The following CNFN variants were observed in gnomAD, a reference collection of about 807,000 sequenced individuals.
CNFN encodes the protein cornifelin.
A neutral mutation model predicts 14.9 loss-of-function variants in CNFN; 10 were observed. The ratio of observed to expected loss-of-function variants is 0.67; its 90% CI spans 0.41 to 1.14. The LOEUF is 1.14. Ranked by LOEUF, CNFN falls within the 50% of genes most tolerant of loss-of-function variation. The probability of loss-of-function intolerance (pLI) is 0.00; values close to 1 mark genes in which losing one functional copy is unlikely to be tolerated. For synonymous variants in CNFN, 66 were observed against 60.0 expected (o/e 1.10, Z -0.46); for missense variants, 165 against 152.8 (o/e 1.08, Z -0.42).
intron 2 of CNFN, among the ~76,000 whole-genome samples, chr19:42,387,782 C>A (rs1323400782): frequency 6.7e-6 from 1 of 148,662 alleles, no homozygotes; most frequent in African/African-American, 2.5e-5. Flanking sequence ...GGGTTTGAGA[C>A]CAGCCTACCC....
Position 42,388,987 on chromosome 19 carries a change from G to C in CNFN, c.51C>G (p.Tyr17Ter). Residue 17 changes from tyrosine to a stop codon, truncating the protein, a stop_gained, in exon 2 of 4, where the codon TAC becomes TAG. Coordinates refer to ENST00000222032, the MANE Select transcript of CNFN (RefSeq NM_032488.4). LOFTEE classifies it high-confidence loss of function. ...TGTGCCAGTCACTGAGCTGGGTCTGGTAGCAGCTGGTGGTGGCGCACTGGG... is the reference window on the plus strand; with the variant it reads ...TGTGCCAGTCACTGAGCTGGGTCTGCTAGCAGCTGGTGGTGGCGCACTGGG... ...SQPQCATTSC[Y>*]QTQLSDWHTG... 6.2e-7 allele frequency: 1 copy of C among 1,613,976 alleles called. No individual in the cohort carries two copies. The highest frequency in any genetic ancestry group is 8.5e-7 in the Non-Finnish European group (1 of 1,180,020).
chr19:42,388,525 A>G (rs771357898), intron 2 of CNFN, among the ~76,000 whole-genome samples: 2 of 151,848 alleles, frequency 1.3e-5, no homozygotes, highest in Non-Finnish European at 2.9e-5. Context: ...AGAGATGGGG[A>G]TCTCATTATG....
Position 42,387,023 on chromosome 19 carries a change from T to C in CNFN, c.*130A>G. On this transcript the variant is annotated 3_prime_UTR_variant, in exon 4 of 4. Transcript: ENST00000222032. The stretch of plus-strand genomic sequence containing the variant: ...ACAAAATGGATGTAGGCGGAGTTGG[T>C]TTTCAGGTTTTTATTGTGGGTGTAT... 4 of 889,080 alleles carry C rather than the reference T, an allele frequency of 4.5e-6. No homozygotes were observed. Among genetic ancestry groups the C allele is most frequent in the Non-Finnish European group, 7.2e-6 (4 of 557,456 alleles). 55.1% of individuals were successfully genotyped at this position (889,080 alleles called of 1,614,324 possible).
rs1473289137 is a variant in CNFN at position 42,387,444 on chromosome 19, C to A, written c.145G>T (p.Ala49Ser). Residue 49 changes from alanine to serine, a missense_variant, in exon 3 of 4, where the codon GCC becomes TCC. Physicochemically the swap from Ala to Ser is moderately conservative, Grantham distance 99. Coordinates refer to ENST00000222032, the MANE Select transcript of CNFN (RefSeq NM_032488.4). ...CCAAAGTCGTCGGAGATGCGGCAGGCAAGGCACAGAGGAGCAAAAGTGCCG... is the reference window on the plus strand; with the variant it reads ...CCAAAGTCGTCGGAGATGCGGCAGGAAAGGCACAGAGGAGCAAAAGTGCCG... ...LCGTFAPLCL[A>S]CRISDDFGEC... The A allele has an allele frequency of 1.3e-6, 2 of 1,596,614 alleles. No homozygotes were observed. The highest frequency in any genetic ancestry group is 1.7e-6 in the Non-Finnish European group (2 of 1,173,402).
In CNFN at chr19:42,387,487, C is replaced by T. The variant is rs368041334; in HGVS notation, c.113-11G>A. ...AAGTGCCGCACAGACCTGGGCGGGG[C>T]GCAGGCGCTCAGGGGCGGGGCCAGC... On this transcript the variant is annotated splice_polypyrimidine_tract_variant and intron_variant, in intron 2 of 3. Coordinates refer to ENST00000222032, the MANE Select transcript of CNFN (RefSeq NM_032488.4). The T allele has an allele frequency of 5.2e-6, 8 of 1,553,162 alleles. No homozygotes were observed. In the African/African-American group the frequency reaches 6.9e-5, roughly 13 times the overall value.
intron 1 of CNFN, 105 bp from the exon 2 acceptor site, chr19:42,389,144 C>G: frequency 4.9e-6 from 4 of 816,412 alleles, no homozygotes; most frequent in Non-Finnish European, 7.7e-6. Flanking sequence ...GCGGGGCCGC[C>G]AGGCCGCCCA....
chr19:42,387,674 C>CTT (rs1303771648), intron 2 of CNFN, among the ~76,000 whole-genome samples, 198 bp from the exon 3 acceptor site: 3 of 127,874 alleles, frequency 2.3e-5, no homozygotes, highest in Non-Finnish European at 3.4e-5. Flanking sequence ...TTTTTTTCTT[C>CTT]TTTTTTTTTT....
At chr19:42,389,094 C>T in intron 1 of CNFN, 55 bp from the exon 2 acceptor site, 2 of 1,359,060 alleles carry the variant, frequency 1.5e-6, no homozygotes, top group South Asian at 1.2e-5. Flanking sequence ...TCTCCTGGGC[C>T]CCGCACTTCG....
rs531542945 is a variant in CNFN at position 42,387,098 on chromosome 19, A to T, written c.*55T>A. The T allele has an allele frequency of 6.9e-5, 106 of 1,547,342 alleles. 1 individual carries two copies. Among genetic ancestry groups the T allele is most frequent in the Non-Finnish European group, 8.3e-5 (93 of 1,119,552 alleles). The stretch of plus-strand genomic sequence containing the variant: ...GAGGCAGTCCCTCCCAGGAGTGGCC[A>T]GAGAAGGCCAGAGGCGAGACTGGTG... On this transcript the variant is annotated 3_prime_UTR_variant, in exon 4 of 4. Coordinates refer to ENST00000222032, the MANE Select transcript of CNFN (RefSeq NM_032488.4).
chr19:42,389,727 T>C (rs921248252), intron 1 of CNFN, among the ~76,000 whole-genome samples: 1 of 151,678 alleles, frequency 6.6e-6, no homozygotes, highest in Non-Finnish European at 1.5e-5. Flanking sequence ...GAATAGGGAA[T>C]GGATAGGGCG....
rs537198570 is a variant in CNFN, at chr19:42,389,840, G to A, written c.-3+400C>T. ...TGAGGGAGAACAAGAAATGGAGATGGACAGAGTCAGAGACAAGGGGAGAAA... is the reference window on the plus strand; with the variant it reads ...TGAGGGAGAACAAGAAATGGAGATGAACAGAGTCAGAGACAAGGGGAGAAA... On this transcript the variant is annotated intron_variant, in intron 1 of 3. Transcript: ENST00000222032. 2.0e-5 allele frequency among the ~76,000 whole-genome samples: 3 copies of A among 152,334 alleles called. No homozygotes were observed. In the East Asian group the frequency reaches 5.8e-4, roughly 29 times the overall value.
At chr19:42,388,495 TTTTTTA>T (rs1428006892) in intron 2 of CNFN, among the ~76,000 whole-genome samples, 1 of 152,016 alleles carries the variant, frequency 6.6e-6, no homozygotes, top group Non-Finnish European at 1.5e-5. Flanking sequence ...GCCCGACCTA[TTTTTTA>T]TTTTTATTTT....
intron 2 of CNFN, among the ~76,000 whole-genome samples, chr19:42,388,000 C>CAAAAA (rs1182517143): frequency 7.3e-4 from 102 of 138,792 alleles, no homozygotes; most frequent in Middle Eastern, 3.7e-3. Context: ...AAAAACAAAA[C>CAAAAA]AAAAAAAAAA....
At chr19:42,389,844 G>C (rs1449697358) in intron 1 of CNFN, among the ~76,000 whole-genome samples, 2 of 152,248 alleles carry the variant, frequency 1.3e-5, no homozygotes, top group African/African-American at 2.4e-5. Context: ...GAGATGGACA[G>C]AGTCAGAGAC....
At chr19:42,389,634 T>C in intron 1 of CNFN, 1 of 92,986 alleles carries the variant, frequency 1.1e-5, no homozygotes, top group African/African-American at 2.4e-4. Context: ...GGCAAGGGAC[T>C]GGGGCACTGG....
chr19:42,387,315 C>T, intron 3 of CNFN, 25 bp downstream of exon 3: 19 of 1,599,516 alleles, frequency 1.2e-5, no homozygotes, highest in Non-Finnish European at 1.4e-5. Flanking sequence ...TCCCTGCTCC[C>T]GCGGGTCCCC....
chr19:42,387,995 C>CAAAAAAAAAAAA (rs755521374), intron 2 of CNFN, among the ~76,000 whole-genome samples: 4 of 35,944 alleles, frequency 1.1e-4, no homozygotes, highest in South Asian at 6.4e-4. Flanking sequence ...AAACAAAAAA[C>CAAAAAAAAAAAA]AAAACAAAAA....
At position 42,389,401 on chromosome 19, in the gene CNFN, C is replaced by T. The variant is rs1387227554; in HGVS notation, c.-2-362G>A. On this transcript the variant is annotated intron_variant, in intron 1 of 3. Coordinates refer to ENST00000222032, the MANE Select transcript of CNFN (RefSeq NM_032488.4). The stretch of plus-strand genomic sequence containing the variant: ...GGGCCTCTGGGGTGGAAGCAGGCGC[C>T]GTCTGTCTTCGAAGCAAGGGTGCCC... The T allele has an allele frequency of 1.9e-5, 21 of 1,128,852 alleles. 1 individual carries two copies. Among genetic ancestry groups the T allele is most frequent in the Middle Eastern group, 2.9e-4 (1 of 3,408 alleles). The allele number at this position is 1,128,852 out of a possible 1,614,324, so 69.9% of individuals were successfully genotyped here.
At chr19:42,389,594 C>A in intron 1 of CNFN, 2 of 1,247,996 alleles carry the variant, frequency 1.6e-6, no homozygotes, top group Non-Finnish European at 2.1e-6. Context: ...CAGAGTCTGT[C>A]CAAGGGACGC....
Sources: gnomAD v4.1 joint callset for allele counts (sites outside exome capture counted in the v4.1 genomes callset) on GRCh38, gnomAD v4.1.1 for gene constraint, MANE v1.5 for transcripts, NCBI Gene and HGNC (gene_info 2026-07-23, HGNC 2026-07-21) for gene names.